KLKB1: variants seen among roughly 807,000 people sequenced by gnomAD.
The protein encoded by KLKB1 is plasma kallikrein.
Under a neutral mutation model 73.6 loss-of-function variants are expected in KLKB1, and 58 were observed. The ratio of observed to expected loss-of-function variants is 0.79; its 90% CI spans 0.64 to 0.98. KLKB1 has a LOEUF of 0.98. Ranked by LOEUF, KLKB1 falls within the 50% of genes least tolerant of loss-of-function variation. The probability of loss-of-function intolerance (pLI) is 0.00; values close to 1 mark genes in which losing one functional copy is unlikely to be tolerated. For synonymous variants in KLKB1, 280 were observed against 258.1 expected (o/e 1.08, Z -0.81); for missense variants, 737 against 763.8 (o/e 0.96, Z 0.41).
At chr4:186,242,316 CCT>C (rs4253268) in intron 6 of KLKB1, among the ~76,000 whole-genome samples, 24,566 of 151,920 alleles carry the variant, frequency 0.16, 2,297 homozygotes, top group East Asian at 0.29. Flanking sequence ...GGCCCAGAGG[CCT>C]GACATTCCTG....
At chr4:186,218,308 A>G (rs1380975861) in intron 2 of KLKB1, among the ~76,000 whole-genome samples, 2 of 152,172 alleles carry the variant, frequency 1.3e-5, no homozygotes, top group Non-Finnish European at 2.9e-5. Flanking sequence ...AGGAGGAGCT[A>G]TCCATACCCA....
chr4:186,217,431 A>G (rs1276092537), intron 2 of KLKB1, among the ~76,000 whole-genome samples: 2 of 152,224 alleles, frequency 1.3e-5, no homozygotes, highest in Non-Finnish European at 2.9e-5. Context: ...ACAGCACAAC[A>G]TGCATATTTA....
intron 5 of KLKB1, among the ~76,000 whole-genome samples, 199 bp downstream of exon 5, chr4:186,237,139 C>T (rs1433314156): frequency 6.6e-6 from 1 of 152,106 alleles, no homozygotes; most frequent in Non-Finnish European, 1.5e-5. Context: ...CGCTCTGTCG[C>T]CCAGGCTAGA....
At chr4:186,224,815 G>T (rs1257757226), upstream of KLKB1, among the ~76,000 whole-genome samples, 3 of 152,172 alleles carry the variant, frequency 2.0e-5, no homozygotes, top group African/African-American at 7.2e-5. Context: ...ATTTGGGAAA[G>T]GCCAGGGGAA....
chr4:186,239,451 G>A (rs1737893209), intron 6 of KLKB1, among the ~76,000 whole-genome samples: 1 of 144,010 alleles, frequency 6.9e-6, no homozygotes. Flanking sequence ...TAGAGTTATA[G>A]GTACAGTGAT....
intron 6 of KLKB1, among the ~76,000 whole-genome samples, chr4:186,245,824 G>GTTTTTTTTTTTTTTTTTTTTTTT (rs1402408736): frequency 4.5e-5 from 5 of 109,994 alleles, no homozygotes; most frequent in African/African-American, 6.1e-5. Flanking sequence ...TTGTTTTTTG[G>GTTTTTTTTTTTTTTTTTTTTTTT]TTTTTTTTTT....
At chr4:186,237,224 G>A (rs1029735749) in intron 5 of KLKB1, among the ~76,000 whole-genome samples, 1 of 151,836 alleles carries the variant, frequency 6.6e-6, no homozygotes, top group Non-Finnish European at 1.5e-5. Flanking sequence ...TCAGCCTCCC[G>A]AGTAGCTGGG....
At chr4:186,224,027 T>C (rs1261317789), upstream of KLKB1, among the ~76,000 whole-genome samples, 1 of 152,254 alleles carries the variant, frequency 6.6e-6, no homozygotes, top group Non-Finnish European at 1.5e-5. Context: ...AAAGGGTCCA[T>C]AGCTCAGGCT....
intron 2 of KLKB1, 128 bp downstream of exon 2, chr4:186,228,381 G>A (rs1396316874): frequency 7.2e-6 from 5 of 693,464 alleles, no homozygotes; most frequent in Admixed American, 2.1e-5. Context: ...GATGATTCAG[G>A]ACACGTGTCT....
chr4:186,214,609 C>T (rs879814864), intron 2 of KLKB1, among the ~76,000 whole-genome samples: 1 of 152,190 alleles, frequency 6.6e-6, no homozygotes, highest in Non-Finnish European at 1.5e-5. Flanking sequence ...TTTTAGAAGA[C>T]AGCTAGGCTT....
rs4253327 is a variant in KLKB1 at position 186,257,459 on chromosome 4, A to T, written c.1725+94A>T. 721,769 of 1,075,274 alleles carry T rather than the reference A, an allele frequency of 0.67. 247,021 individuals carry two copies. The highest frequency in any genetic ancestry group is 0.7 in the Non-Finnish European group (541,022 of 771,928). 66.6% of individuals were successfully genotyped at this position (1,075,274 alleles called of 1,614,324 possible). The stretch of plus-strand genomic sequence containing the variant: ...ATAGCATAATTCAATCATAGTTTTT[A>T]AAAAAATTCAGAGACAAATGATCTG... On this transcript the variant is annotated intron_variant, in intron 14 of 14. Transcript: ENST00000264690.
intron 6 of KLKB1, among the ~76,000 whole-genome samples, chr4:186,247,120 A>G (rs1738395146): frequency 6.6e-6 from 1 of 152,180 alleles, no homozygotes; most frequent in African/African-American, 2.4e-5. Context: ...TCTGAGGACC[A>G]GAGGTCATGG....
chr4:186,237,857 G>T (rs1737776844), intron 5 of KLKB1, among the ~76,000 whole-genome samples: 2 of 151,614 alleles, frequency 1.3e-5, no homozygotes, highest in Admixed American at 1.3e-4. Context: ...ACTGTCTATC[G>T]CTCCATGCTC....
intron 6 of KLKB1, among the ~76,000 whole-genome samples, chr4:186,242,152 G>T (rs1320984041): frequency 1.2e-5 from 1 of 80,734 alleles, no homozygotes; most frequent in African/African-American, 4.1e-5. Context: ...GGGCAGCGGT[G>T]GGGGGTCACA....
intron 2 of KLKB1, among the ~76,000 whole-genome samples, chr4:186,215,245 T>TA (rs200208661): frequency 0.039 from 5,499 of 141,066 alleles, 246 homozygotes; most frequent in African/African-American, 0.11. Context: ...AGCTGAATAG[T>TA]AAAAAAAAAA....
chr4:186,240,348 T>G (rs1737961686), intron 6 of KLKB1, among the ~76,000 whole-genome samples: 1 of 151,930 alleles, frequency 6.6e-6, no homozygotes, highest in Non-Finnish European at 1.5e-5. Context: ...TACAGTGACG[T>G]TGTAATAGTT....
At chr4:186,223,223 G>A (rs1561445307), upstream of KLKB1, among the ~76,000 whole-genome samples, 1 of 152,186 alleles carries the variant, frequency 6.6e-6, no homozygotes, top group Non-Finnish European at 1.5e-5. Context: ...TTAGCAGTGT[G>A]AAAATAAACA....
chr4:186,219,526 A>C (rs1736986168), intron 2 of KLKB1, among the ~76,000 whole-genome samples: 1 of 152,212 alleles, frequency 6.6e-6, no homozygotes, highest in South Asian at 2.1e-4. Flanking sequence ...AAAGAAAGGA[A>C]ATAAAATGAA....
Position 186,250,200 on chromosome 4 carries a change from C to T in KLKB1, c.599-43C>T, listed in dbSNP as rs577758457. On this transcript the variant is annotated intron_variant, in intron 6 of 14. Coordinates refer to ENST00000264690, the MANE Select transcript of KLKB1 (RefSeq NM_000892.5). Reference sequence around the variant, plus strand: ...GACAAAATACAAGCAAATTTAGCCTCATGTCATTTCCTAAGGAACATCTTC... The same window carrying T: ...GACAAAATACAAGCAAATTTAGCCTTATGTCATTTCCTAAGGAACATCTTC... 210 of 1,579,886 alleles carry T rather than the reference C, an allele frequency of 1.3e-4. 3 individuals are homozygous for T. The South Asian group carries it at 2.3e-3, about 17-fold the overall frequency.
Sources: gnomAD v4.1 joint callset for allele counts (sites outside exome capture counted in the v4.1 genomes callset) on GRCh38, gnomAD v4.1.1 for gene constraint, MANE v1.5 for transcripts, NCBI Gene and HGNC (gene_info 2026-07-23, HGNC 2026-07-21) for gene names.